SLC35F4: variants seen among roughly 807,000 people sequenced by gnomAD.
SLC35F4 encodes solute carrier family 35 member F4, also known as chromosome 14 open reading frame 36.
In SLC35F4, 24 loss-of-function variants were observed where a neutral mutation model predicts 44.2. That is an observed-to-expected ratio of 0.54 (90% CI 0.39 to 0.76). The LOEUF (loss-of-function observed/expected upper bound fraction) is 0.76. SLC35F4 is among the 30% of genes least tolerant of loss of function. SLC35F4 has a pLI of 0.00. For missense variants in SLC35F4, 562 were observed against 586.1 expected (o/e 0.96, Z 0.42); for synonymous variants, 238 against 223.6 (o/e 1.06, Z -0.57).
intron 1 of SLC35F4, among the ~76,000 whole-genome samples, chr14:57,978,271 A>G (rs1023787726): frequency 2.0e-5 from 3 of 152,172 alleles, no homozygotes; most frequent in Admixed American, 6.5e-5. Flanking sequence ...AGACAGGTCA[A>G]CCACCTCATG....
chr14:57,679,053 T>C (rs775044414), intron 1 of SLC35F4, among the ~76,000 whole-genome samples: 10 of 151,966 alleles, frequency 6.6e-5, no homozygotes, highest in Non-Finnish European at 1.3e-4. Context: ...GAACTCTCCA[T>C]CCCAAATCAA....
chr14:57,582,344 C>T (rs546214428), intron 3 of SLC35F4, among the ~76,000 whole-genome samples: 7 of 152,214 alleles, frequency 4.6e-5, no homozygotes, highest in African/African-American at 1.4e-4. Context: ...TACAGGCACG[C>T]ACCACCATGC....
chr14:57,604,386 T>C (rs1259077167), intron 1 of SLC35F4: 1 of 152,136 alleles, frequency 6.6e-6, no homozygotes, highest in Non-Finnish European at 1.5e-5. Flanking sequence ...ATTCCAGGAA[T>C]ATAGCTAACC....
chr14:57,759,353 G>A (rs1173368627), intron 1 of SLC35F4, among the ~76,000 whole-genome samples: 1 of 152,124 alleles, frequency 6.6e-6, no homozygotes, highest in Non-Finnish European at 1.5e-5. Context: ...GGTGATGTGA[G>A]TGGATTGCTT....
intron 1 of SLC35F4, among the ~76,000 whole-genome samples, chr14:57,825,557 C>A (rs371978027): frequency 2.0e-5 from 3 of 152,104 alleles, no homozygotes; most frequent in Admixed American, 2.0e-4. Context: ...AGCTTTAGAA[C>A]ATGTTCAGTA....
At chr14:57,886,650 G>A (rs1018638338) in intron 1 of SLC35F4, among the ~76,000 whole-genome samples, 2 of 152,114 alleles carry the variant, frequency 1.3e-5, no homozygotes, top group African/African-American at 2.4e-5. Context: ...CATCTTGAGG[G>A]AAGAAGATGT....
At chr14:57,696,706 CAT>C (rs1436116790) in intron 1 of SLC35F4, among the ~76,000 whole-genome samples, 1 of 152,156 alleles carries the variant, frequency 6.6e-6, no homozygotes, top group East Asian at 1.9e-4. Flanking sequence ...GAAAATGTGG[CAT>C]ATATACACCA....
intron 1 of SLC35F4, among the ~76,000 whole-genome samples, chr14:57,939,847 A>AT (rs1260593083): frequency 2.0e-5 from 3 of 152,164 alleles, no homozygotes; most frequent in South Asian, 4.1e-4. Context: ...ATATATAAAT[A>AT]TTTTTTTACA....
At chr14:57,796,318 AC>A (rs746912104) in intron 1 of SLC35F4, among the ~76,000 whole-genome samples, 4 of 151,972 alleles carry the variant, frequency 2.6e-5, no homozygotes, top group Non-Finnish European at 5.9e-5. Context: ...ACTTTCATCT[AC>A]CCCTATATTA....
chr14:57,726,823 T>C (rs1420098127), intron 1 of SLC35F4, among the ~76,000 whole-genome samples: 2 of 152,122 alleles, frequency 1.3e-5, no homozygotes, highest in Admixed American at 1.3e-4. Context: ...CAAAGGAAGT[T>C]AGCATTTGAA....
intron 1 of SLC35F4, among the ~76,000 whole-genome samples, chr14:57,751,304 T>C (rs2076879367): frequency 6.6e-6 from 1 of 152,176 alleles, no homozygotes; most frequent in South Asian, 2.1e-4. Context: ...TCCATGTAGT[T>C]AGTAGTAAGT....
intron 1 of SLC35F4, among the ~76,000 whole-genome samples, chr14:57,638,525 T>C (rs2073101330): frequency 1.3e-5 from 2 of 152,120 alleles, no homozygotes; most frequent in Admixed American, 6.6e-5. Context: ...CTGCAACCCT[T>C]ACTCCTTGGA....
At chr14:57,710,183 C>T (rs914854720) in intron 1 of SLC35F4, among the ~76,000 whole-genome samples, 6 of 152,246 alleles carry the variant, frequency 3.9e-5, no homozygotes, top group Admixed American at 3.9e-4. Context: ...TCAGCTCCAG[C>T]TATGGCTAAA....
upstream of SLC35F4, among the ~76,000 whole-genome samples, chr14:57,870,011 G>T (rs144684640): frequency 6.6e-6 from 1 of 152,144 alleles, no homozygotes; most frequent in African/African-American, 2.4e-5. Context: ...GTGCCAGGCT[G>T]CATCCCAGGA....
At chr14:57,609,503 A>G (rs974559756) in intron 1 of SLC35F4, among the ~76,000 whole-genome samples, 7 of 152,224 alleles carry the variant, frequency 4.6e-5, no homozygotes, top group Non-Finnish European at 1.0e-4. Flanking sequence ...TTGGTAAGCA[A>G]AAGAGTGTAA....
intron 1 of SLC35F4, among the ~76,000 whole-genome samples, chr14:57,891,939 C>T (rs12435652): frequency 0.12 from 18,353 of 152,124 alleles, 1,360 homozygotes; most frequent in East Asian, 0.4. Context: ...CAGTAGTTCT[C>T]AGACTATTAT....
At chr14:57,978,267 G>T (rs1406988875) in intron 1 of SLC35F4, among the ~76,000 whole-genome samples, 1 of 152,104 alleles carries the variant, frequency 6.6e-6, no homozygotes, top group African/African-American at 2.4e-5. Context: ...TCAGAGACAG[G>T]TCAACCACCT....
At chr14:57,767,808 G>A (rs1474097983) in intron 1 of SLC35F4, among the ~76,000 whole-genome samples, 1 of 151,782 alleles carries the variant, frequency 6.6e-6, no homozygotes, top group African/African-American at 2.4e-5. Context: ...AAATCACCAA[G>A]ATCAAGTATG....
At chr14:57,776,818 A>G (rs999287436) in intron 1 of SLC35F4, among the ~76,000 whole-genome samples, 6 of 152,316 alleles carry the variant, frequency 3.9e-5, no homozygotes, top group African/African-American at 1.2e-4. Context: ...TAAAGAAAAT[A>G]AATTCCAACC....
Sources: allele counts gnomAD v4.1 joint callset (sites outside exome capture counted in the v4.1 genomes callset), GRCh38; gene constraint gnomAD v4.1.1; transcripts MANE v1.5; gene names NCBI Gene and HGNC (gene_info 2026-07-23, HGNC 2026-07-21).